Variants in TTC39C observed in about 807,000 individuals in gnomAD.
The protein encoded by TTC39C is tetratricopeptide repeat protein 39C.
Under a neutral mutation model 76.3 loss-of-function variants are expected in TTC39C, and 33 were observed. The observed-to-expected ratio is 0.43, with a 90% CI of 0.33 to 0.58. The LOEUF (loss-of-function observed/expected upper bound fraction) is 0.58. Among genes scored for constraint, TTC39C ranks in the 20% least tolerant of loss-of-function variants. The pLI is 0.04. For missense variants in TTC39C, 595 were observed against 701.4 expected, an observed-to-expected ratio of 0.85 and a Z score of 1.71; for synonymous variants, 254 against 260.6, an observed-to-expected ratio of 0.97 and a Z score of 0.24.
chr18:23,998,809 T>TC (rs2083289761), intron 1 of TTC39C, among the ~76,000 whole-genome samples: 3 of 8,496 alleles, frequency 3.5e-4, no homozygotes, highest in African/African-American at 4.3e-4. Flanking sequence ...AGCATGAAGC[T>TC]GGTGGAGCTC....
At chr18:24,107,894 G>GGT (rs1003215251) in intron 6 of TTC39C, among the ~76,000 whole-genome samples, 7 of 145,482 alleles carry the variant, frequency 4.8e-5, no homozygotes, top group South Asian at 4.4e-4. Flanking sequence ...AAGTAGGGGG[G>GGT]GGGGTACAGG....
chr18:24,062,438 A>T (rs2084112434), intron 1 of TTC39C, among the ~76,000 whole-genome samples: 1 of 152,192 alleles, frequency 6.6e-6, no homozygotes, highest in Non-Finnish European at 1.5e-5. Flanking sequence ...TATGATATAT[A>T]GTAGGGTAGG....
rs2085180464 is a variant in TTC39C at position 24,134,719 on chromosome 18, T to G, written c.*2145T>G. The stretch of plus-strand genomic sequence containing the variant: ...CATGGAGCATTCTGAATCATGACAT[T>G]TTTGTTTGAGAGTTCATTCTTGAAT... On this transcript the variant is annotated 3_prime_UTR_variant, in exon 14 of 14. Transcript: ENST00000317571. 6.6e-6 allele frequency: 1 copy of G among 152,214 alleles called. No homozygotes were observed. Among genetic ancestry groups the G allele is most frequent in the South Asian group, 2.1e-4 (1 of 4,838 alleles). 9.4% of individuals were successfully genotyped at this position (152,214 alleles called of 1,614,324 possible).
intron 6 of TTC39C, among the ~76,000 whole-genome samples, chr18:24,093,014 G>A (rs1001652804): frequency 6.6e-6 from 1 of 152,182 alleles, no homozygotes; most frequent in Non-Finnish European, 1.5e-5. Context: ...CCTGTAGTGA[G>A]CCGTGAAGGC....
At chr18:24,085,292 C>G (rs978563139) in intron 6 of TTC39C, among the ~76,000 whole-genome samples, 2 of 152,202 alleles carry the variant, frequency 1.3e-5, no homozygotes, top group Admixed American at 1.3e-4. Context: ...TTAGAATTCT[C>G]TCTCTTTATT....
chr18:24,045,892 AATATATAT>A lies in TTC39C; in HGVS notation c.168-18219_168-18212del, dbSNP rs1212560698. On this transcript the variant is annotated intron_variant, in intron 1 of 13. Coordinates refer to ENST00000317571, the MANE Select transcript of TTC39C (RefSeq NM_001135993.2). ...ATTTTAGGGTACTTCCTTCTGTGAAAATATATATATATATATATATATATATATATATA... is the reference window on the plus strand; with the variant it reads ...ATTTTAGGGTACTTCCTTCTGTGAAAATATATATATATATATATATATATA... Among the ~76,000 whole-genome samples the A allele has an allele frequency of 2.4e-3, 145 of 61,194 alleles. 4 individuals are homozygous for A. The highest frequency in any genetic ancestry group is 0.012 in the African/African-American group (135 of 11,182). 40.1% of individuals were successfully genotyped at this position (61,194 alleles called of 152,430 possible). A position where few individuals can be genotyped will look rare whatever the true frequency, so the allele number is the denominator to read the frequency against.
chr18:24,023,975 TATATACATATATATATATATATATATATA>T (rs2083556731), intron 1 of TTC39C, among the ~76,000 whole-genome samples: 2 of 12,310 alleles, frequency 1.6e-4, no homozygotes, highest in Non-Finnish European at 2.2e-4. Context: ...TATATATATA[TATATACATATATATATATATATATATATA>T]TATATATATA....
intron 1 of TTC39C, among the ~76,000 whole-genome samples, chr18:24,038,269 G>A (rs2083753991): frequency 6.6e-6 from 1 of 152,116 alleles, no homozygotes; most frequent in African/African-American, 2.4e-5. Flanking sequence ...AATCTACACA[G>A]CATGTAATTT....
intron 1 of TTC39C, among the ~76,000 whole-genome samples, chr18:24,026,625 C>T (rs1000147310): frequency 6.6e-6 from 1 of 152,176 alleles, no homozygotes; most frequent in African/African-American, 2.4e-5. Flanking sequence ...TTTACATGCT[C>T]AGGTGCACCA....
intron 8 of TTC39C, 88 bp from the exon 9 acceptor site, chr18:24,123,746 T>C (rs1270216798): frequency 1.0e-6 from 1 of 958,286 alleles, no homozygotes; most frequent in Non-Finnish European, 1.5e-6. Context: ...CTCCTGCTTT[T>C]TTTTTTTTCA....
At chr18:24,010,783 C>T (rs2083388319), upstream of TTC39C, among the ~76,000 whole-genome samples, 1 of 152,180 alleles carries the variant, frequency 6.6e-6, no homozygotes, top group Non-Finnish European at 1.5e-5. Flanking sequence ...ATGGGTGGCT[C>T]ATGCCTGTAA....
intron 6 of TTC39C, among the ~76,000 whole-genome samples, chr18:24,096,082 T>G (rs986620916): frequency 1.3e-5 from 2 of 152,198 alleles, no homozygotes; most frequent in Admixed American, 1.3e-4. Context: ...CAAAGATCAC[T>G]GATCATAGAT....
rs115928818 is a variant in TTC39C at position 24,008,524 on chromosome 18, C to T, written c.-17+15486C>T. 2.2e-3 allele frequency among the ~76,000 whole-genome samples: 330 copies of T among 152,294 alleles called. 1 individual carries two copies. The highest frequency in any genetic ancestry group is 7.6e-3 in the African/African-American group (317 of 41,546). ...ACGTGAATAGAAGGAAAGTACCTTT[C>T]TTGTTTAGATAACAATGGGGAATCC... On this transcript the variant is annotated intron_variant, in intron 1 of 13. Coordinates refer to the TTC39C transcript ENST00000304621.
At chr18:24,081,844 TTGTC>T (rs1233538768) in intron 5 of TTC39C, among the ~76,000 whole-genome samples, 2 of 152,130 alleles carry the variant, frequency 1.3e-5, no homozygotes, top group Non-Finnish European at 2.9e-5. Context: ...TTGTGATCAT[TTGTC>T]TGTTTATATC....
In TTC39C at chr18:24,128,916, T is replaced by C. The variant is rs752555580; in HGVS notation, c.1451T>C (p.Val484Ala). 1 of 1,613,718 alleles carries C rather than the reference T, an allele frequency of 6.2e-7. No homozygotes were observed. Among genetic ancestry groups the C allele is most frequent in the Non-Finnish European group, 8.5e-7 (1 of 1,179,840 alleles). The change falls in exon 11 of 14, where the codon GTT becomes GCT. Residue 484 changes from valine (V) to alanine (A), a missense_variant. Val to Ala is a moderately conservative substitution (Grantham distance 64). Coordinates refer to ENST00000317571, the MANE Select transcript of TTC39C (RefSeq NM_001135993.2). The stretch of plus-strand genomic sequence containing the variant: ...CATGAAGTGGATGACTCATCTGTTG[T>C]TGGATTAAAGTATTTGCTTCTTGGT... ...ACHEVDDSSV[V>A]GLKYLLLGAI...
rs1441871855 is a variant in TTC39C, at chr18:24,118,114, T to A, written c.1079-11T>A. 1.2e-6 allele frequency: 2 copies of A among 1,610,698 alleles called. No individual in the cohort carries two copies. Among genetic ancestry groups the A allele is most frequent in the Non-Finnish European group, 1.7e-6 (2 of 1,178,108 alleles). ...CTTTAGGGTCATGTGCTAAAAATATTTCTTTCATAGGTTGGTGCAGCATGA... is the reference window on the plus strand; with the variant it reads ...CTTTAGGGTCATGTGCTAAAAATATATCTTTCATAGGTTGGTGCAGCATGA... On this transcript the variant is annotated splice_polypyrimidine_tract_variant and intron_variant, in intron 7 of 13. Transcript: ENST00000317571.
At chr18:24,000,207 C>T (rs79113252) in intron 1 of TTC39C, among the ~76,000 whole-genome samples, 2,149 of 152,300 alleles carry the variant, frequency 0.014, 47 homozygotes, top group African/African-American at 0.05. Context: ...ACCCCTAGCA[C>T]TTTGGAGTGT....
At chr18:24,055,201 C>T (rs909245068) in intron 1 of TTC39C, among the ~76,000 whole-genome samples, 13 of 152,092 alleles carry the variant, frequency 8.5e-5, no homozygotes, top group East Asian at 1.9e-4. Context: ...CTGGTATGAA[C>T]GTGGGTGTAC....
At chr18:24,105,482 A>G (rs1016200111) in intron 6 of TTC39C, among the ~76,000 whole-genome samples, 2 of 152,218 alleles carry the variant, frequency 1.3e-5, no homozygotes, top group Non-Finnish European at 2.9e-5. Context: ...TATATGAAAT[A>G]CATATGTGCA....
Sources: allele counts gnomAD v4.1 joint callset (sites outside exome capture counted in the v4.1 genomes callset), GRCh38; gene constraint gnomAD v4.1.1; transcripts MANE v1.5; gene names NCBI Gene and HGNC (gene_info 2026-07-23, HGNC 2026-07-21).